Variants in KTN1 observed in about 807,000 individuals in gnomAD.
KTN1 encodes kinectin.
KTN1 carries 130 observed loss-of-function variants against 222.5 expected under a neutral mutation model. That is an observed-to-expected ratio of 0.58 (90% CI 0.51 to 0.68). The LOEUF (loss-of-function observed/expected upper bound fraction) is 0.68. Ranked by LOEUF, KTN1 falls within the 30% of genes least tolerant of loss-of-function variation. The pLI is 0.00. For missense variants in KTN1, 1,508 were observed against 1,500.4 expected, an observed-to-expected ratio of 1.01 and a Z score of -0.08; for synonymous variants, 512 against 496.3, an observed-to-expected ratio of 1.03 and a Z score of -0.42.
intron 7 of KTN1, among the ~76,000 whole-genome samples, chr14:55,630,611 A>G (rs2040401188): frequency 6.6e-6 from 1 of 152,134 alleles, no homozygotes; most frequent in Admixed American, 6.5e-5. Context: ...AAATACAGTA[A>G]GAGTTGTGGT....
At chr14:55,665,006 T>A (rs1231948935) in intron 33 of KTN1, among the ~76,000 whole-genome samples, 1 of 149,480 alleles carries the variant, frequency 6.7e-6, no homozygotes, top group Admixed American at 6.7e-5. Flanking sequence ...TTTTTTTTTT[T>A]AGCAAGTATA....
At chr14:55,583,861 C>G (rs1037773149) in intron 1 of KTN1, among the ~76,000 whole-genome samples, 12 of 152,132 alleles carry the variant, frequency 7.9e-5, no homozygotes, top group Admixed American at 5.9e-4. Flanking sequence ...ATCAAACATT[C>G]AGGTAAAAAA....
In KTN1 at chr14:55,612,036, T is replaced by G. The variant is rs763259458; in HGVS notation, c.-13T>G. On this transcript the variant is annotated 5_prime_UTR_variant, in exon 2 of 44. In the 5' UTR this introduces an upstream ATG that the reference lacks. Transcript: ENST00000395314. ...CTATTTAGGTTTTATAGGATCACATTGACAAAAGTACCATGGAGTTTTATG... is the reference window on the plus strand; with the variant it reads ...CTATTTAGGTTTTATAGGATCACATGGACAAAAGTACCATGGAGTTTTATG... 29 of 1,394,468 alleles carry G rather than the reference T, an allele frequency of 2.1e-5. 1 individual carries two copies. The East Asian group carries it at 7.3e-4, about 35-fold the overall frequency. 86.4% of individuals were successfully genotyped at this position (1,394,468 alleles called of 1,614,324 possible).
In KTN1 at chr14:55,679,339, A is replaced by G. The variant is rs183060843; in HGVS notation, c.3949-226A>G. ...CTAGATTTTTTTTCCTTTTGTGTCCAAGTGACAACATTTATAACATAGTTT... is the reference window on the plus strand; with the variant it reads ...CTAGATTTTTTTTCCTTTTGTGTCCGAGTGACAACATTTATAACATAGTTT... On this transcript the variant is annotated intron_variant, in intron 42 of 43. Transcript: ENST00000395314. 1,238 of 393,168 alleles carry G rather than the reference A, an allele frequency of 3.1e-3. 3 individuals carry two copies. The highest frequency in any genetic ancestry group is 4.5e-3 in the Middle Eastern group (7 of 1,540). The allele number at this position is 393,168 out of a possible 1,614,324, so 24.4% of individuals were successfully genotyped here.
At chr14:55,637,414 T>G in intron 11 of KTN1, 50 bp downstream of exon 11, 1 of 1,299,064 alleles carries the variant, frequency 7.7e-7, no homozygotes, top group South Asian at 1.5e-5. Context: ...TGGTCACTTA[T>G]TAGATCTGTG....
intron 31 of KTN1, among the ~76,000 whole-genome samples, chr14:55,660,020 G>A (rs548461909): frequency 6.6e-6 from 1 of 151,960 alleles, no homozygotes; most frequent in Non-Finnish European, 1.5e-5. Flanking sequence ...TATCTTACTG[G>A]GTCTTCTTTC....
chr14:55,606,493 A>G (rs2036744370), intron 1 of KTN1, among the ~76,000 whole-genome samples: 1 of 152,152 alleles, frequency 6.6e-6, no homozygotes, highest in African/African-American at 2.4e-5. Context: ...TGTCAGTTGA[A>G]GGACAGAAAT....
chr14:55,613,622 T>C (rs1196006270), intron 2 of KTN1, among the ~76,000 whole-genome samples: 1 of 134,484 alleles, frequency 7.4e-6, no homozygotes, highest in Non-Finnish European at 1.7e-5. Flanking sequence ...GCCTCCCGAG[T>C]AGCTGGAATT....
At chr14:55,641,017 T>G (rs764692895) in intron 16 of KTN1, 47 bp downstream of exon 16, 1 of 1,537,694 alleles carries the variant, frequency 6.5e-7, no homozygotes, top group Non-Finnish European at 9.0e-7. Flanking sequence ...TTATGTTTAA[T>G]TATAATTGTT....
In KTN1 at chr14:55,661,634, T is replaced by C. The variant is rs746825687; in HGVS notation, c.3090+22T>C. 5 of 1,314,676 alleles carry C rather than the reference T, an allele frequency of 3.8e-6. No individual in the cohort carries two copies. In the Admixed American group the frequency reaches 9.2e-5, roughly 24 times the overall value. The allele number at this position is 1,314,676 out of a possible 1,614,324, so 81.4% of individuals were successfully genotyped here. ...CAATGTAAGTAGATCTTTATCAGAA[T>C]GAAGCTTTTCTTTTTATTACTTTAA... On this transcript the variant is annotated intron_variant, in intron 32 of 43. Coordinates refer to ENST00000395314, the MANE Select transcript of KTN1 (RefSeq NM_001079521.2).
chr14:55,674,599 C>T (rs1362904015), intron 40 of KTN1: 1 of 152,104 alleles, frequency 6.6e-6, no homozygotes, highest in Non-Finnish European at 1.5e-5. Flanking sequence ...GCTATAAGTC[C>T]TCACTCTATG....
At chr14:55,580,419 C>G (rs2031079336) in intron 1 of KTN1, 65 bp downstream of exon 1, 1 of 146,144 alleles carries the variant, frequency 6.8e-6, no homozygotes, top group African/African-American at 2.5e-5. Context: ...GAGGCGGCGC[C>G]GGCCGCGGGG....
intron 33 of KTN1, among the ~76,000 whole-genome samples, chr14:55,666,225 G>A (rs576275287): frequency 6.6e-6 from 1 of 151,982 alleles, no homozygotes; most frequent in South Asian, 2.1e-4. Context: ...ATTTTCATGT[G>A]ATTAGATTTT....
intron 10 of KTN1, 81 bp downstream of exon 10, chr14:55,636,617 A>G: frequency 1.0e-6 from 1 of 983,184 alleles, no homozygotes. Context: ...TGAAGAAAGT[A>G]TAATTTGGCA....
At chr14:55,641,008 T>C (rs1321829293) in intron 16 of KTN1, 38 bp downstream of exon 16, 2 of 1,549,174 alleles carry the variant, frequency 1.3e-6, no homozygotes, top group Non-Finnish European at 1.8e-6. Flanking sequence ...TTCATACATT[T>C]ATGTTTAATT....
At chr14:55,676,588 A>T (rs2045907600) in intron 41 of KTN1, among the ~76,000 whole-genome samples, 1 of 152,204 alleles carries the variant, frequency 6.6e-6, no homozygotes, top group Admixed American at 6.5e-5. Flanking sequence ...ATAAAATGGA[A>T]TCCCAGAAAC....
chr14:55,639,262 C>T (rs1359794066), intron 13 of KTN1, 40 bp downstream of exon 13: 1 of 1,403,276 alleles, frequency 7.1e-7, no homozygotes, highest in Non-Finnish European at 1.0e-6. Flanking sequence ...TGTGTAGTCA[C>T]CACTAACTGA....
At chr14:55,602,350 T>C (rs2036098007) in intron 1 of KTN1, among the ~76,000 whole-genome samples, 1 of 151,946 alleles carries the variant, frequency 6.6e-6, no homozygotes, top group African/African-American at 2.4e-5. Flanking sequence ...GCTGGAAGAG[T>C]AGAACCATAT....
At chr14:55,680,965 A>G (rs1011009628) in intron 43 of KTN1, 2 of 344,430 alleles carry the variant, frequency 5.8e-6, no homozygotes, top group African/African-American at 4.3e-5. Context: ...CTTCAGCCTT[A>G]TTCTTTCCAC....
Sources: gnomAD v4.1 joint callset for allele counts (sites outside exome capture counted in the v4.1 genomes callset) on GRCh38, gnomAD v4.1.1 for gene constraint, MANE v1.5 for transcripts, NCBI Gene and HGNC (gene_info 2026-07-23, HGNC 2026-07-21) for gene names.